The following CPNE4 variants were observed in gnomAD, a reference collection of about 807,000 sequenced individuals.
CPNE4 encodes copine-4.
A neutral mutation model predicts 67.9 loss-of-function variants in CPNE4; 25 were observed. The ratio of observed to expected loss-of-function variants is 0.37; its 90% CI spans 0.27 to 0.51. CPNE4 has a LOEUF of 0.51. Ranked by LOEUF, CPNE4 falls within the 20% of genes least tolerant of loss-of-function variation. The probability of loss-of-function intolerance (pLI) is 0.93; values close to 1 mark genes in which losing one functional copy is unlikely to be tolerated. For synonymous variants in CPNE4, 242 were observed against 244.9 expected (o/e 0.99, Z 0.11); for missense variants, 464 against 690.8 (o/e 0.67, Z 3.68).
intron 2 of CPNE4, among the ~76,000 whole-genome samples, chr3:131,861,137 T>C (rs890951394): frequency 6.6e-6 from 1 of 152,234 alleles, no homozygotes; most frequent in African/African-American, 2.4e-5. Context: ...TTGGAGTCAG[T>C]AGTGATTGTC....
chr3:131,617,080 G>A (rs996391409), intron 7 of CPNE4, among the ~76,000 whole-genome samples: 1 of 152,062 alleles, frequency 6.6e-6, no homozygotes, highest in African/African-American at 2.4e-5. Flanking sequence ...CAAGGAAGCT[G>A]GTATTCTTTG....
At chr3:131,941,890 G>T (rs2071399766) in intron 1 of CPNE4, among the ~76,000 whole-genome samples, 1 of 151,886 alleles carries the variant, frequency 6.6e-6, no homozygotes, top group South Asian at 2.1e-4. Context: ...GGTAAAATTA[G>T]GTTTTAATTA....
chr3:131,839,920 A>T (rs536886696), intron 2 of CPNE4, among the ~76,000 whole-genome samples: 1 of 152,288 alleles, frequency 6.6e-6, no homozygotes, highest in Admixed American at 6.5e-5. Flanking sequence ...ATTCTTTTGC[A>T]GTTCAATTAT....
Position 131,587,548 on chromosome 3 carries a change from T to G in CPNE4, c.716A>C (p.His239Pro). ...IVWDWDSNGK[H>P]DFIGEFTSTF... ...CGAGGTGAATTCTCCAATGAAGTCATGCTTGCCATTGGAGTCCCAGTCCCA... is the reference window on the plus strand; with the variant it reads ...CGAGGTGAATTCTCCAATGAAGTCAGGCTTGCCATTGGAGTCCCAGTCCCA... The change falls in exon 8 of 16, where the codon CAT (histidine) becomes CCT (proline). Residue 239 changes from histidine (H) to proline (P), a missense_variant. Transcript: ENST00000429747. 1 of 1,613,640 alleles carries G rather than the reference T, an allele frequency of 6.2e-7. No individual in the cohort carries two copies. The highest frequency in any genetic ancestry group is 8.5e-7 in the Non-Finnish European group (1 of 1,179,586).
At chr3:131,799,835 C>G (rs1453241545) in intron 2 of CPNE4, among the ~76,000 whole-genome samples, 1 of 151,788 alleles carries the variant, frequency 6.6e-6, no homozygotes, top group Non-Finnish European at 1.5e-5. Context: ...CATCAAAGAA[C>G]AAGTGTAATA....
Position 131,712,650 on chromosome 3 carries a change from TTGGTTATTAGACTTCAACAAACTG to T in CPNE4, c.360+10772_360+10795del, listed in dbSNP as rs2081587528. Among the ~76,000 whole-genome samples, 3 of 152,234 alleles carry T rather than the reference TTGGTTATTAGACTTCAACAAACTG, an allele frequency of 2.0e-5. No individual in the cohort carries two copies. The South Asian group carries it at 6.2e-4, about 32-fold the overall frequency. ...ATATATTATTTCGTGAATTGGCTTT[TTGGTTATTAGACTTCAACAAACTG>T]GCCGTTTGCCATACTATGAATTCAG... On this transcript the variant is annotated intron_variant, in intron 3 of 15. Transcript: ENST00000429747.
At chr3:131,878,837 A>G (rs963786481) in intron 2 of CPNE4, among the ~76,000 whole-genome samples, 2 of 152,224 alleles carry the variant, frequency 1.3e-5, no homozygotes, top group African/African-American at 4.8e-5. Flanking sequence ...AAGGAACCTC[A>G]TTCACTCATG....
chr3:131,952,149 G>C (rs1473572361), intron 1 of CPNE4, among the ~76,000 whole-genome samples: 1 of 150,344 alleles, frequency 6.7e-6, no homozygotes, highest in South Asian at 2.1e-4. Context: ...ATCACATCTA[G>C]GAAGTGAGGA....
At chr3:131,978,132 T>A (rs1236538264) in intron 1 of CPNE4, among the ~76,000 whole-genome samples, 18 of 70,582 alleles carry the variant, frequency 2.6e-4, no homozygotes, top group African/African-American at 1.5e-3. Context: ...ATATATATAT[T>A]TATATAAATA....
intron 2 of CPNE4, among the ~76,000 whole-genome samples, chr3:131,882,087 GA>G (rs371320462): frequency 1.3e-5 from 2 of 151,964 alleles, no homozygotes; most frequent in Non-Finnish European, 2.9e-5. Flanking sequence ...CGATCCTTCA[GA>G]ATTAACACTG....
rs181581869 is a variant in CPNE4 at position 131,836,015 on chromosome 3, C to T, written c.180+69249G>A. Among the ~76,000 whole-genome samples, 351 of 152,246 alleles carry T rather than the reference C, an allele frequency of 2.3e-3. 4 individuals are homozygous for T. Among genetic ancestry groups the T allele is most frequent in the Non-Finnish European group, 2.2e-3 (151 of 68,024 alleles). On this transcript the variant is annotated intron_variant, in intron 2 of 15. Transcript: ENST00000429747. ...AAGTCCTAGGCTTACCCTGAAGTGA[C>T]CTATGCAGGAAACTGACCACAATCA...
chr3:131,677,902 C>T (rs945478874), intron 6 of CPNE4, among the ~76,000 whole-genome samples: 1 of 151,974 alleles, frequency 6.6e-6, no homozygotes, highest in Non-Finnish European at 1.5e-5. Context: ...TTTGGATTGC[C>T]TTGGTTATTT....
intron 2 of CPNE4, among the ~76,000 whole-genome samples, chr3:131,733,301 C>CT (rs1274403565): frequency 6.6e-6 from 1 of 152,204 alleles, no homozygotes; most frequent in Admixed American, 6.5e-5. Flanking sequence ...GCAACAAACC[C>CT]TGAAAAGTCT....
intron 8 of CPNE4, among the ~76,000 whole-genome samples, chr3:131,582,865 C>T (rs577340339): frequency 2.0e-5 from 3 of 152,266 alleles, no homozygotes; most frequent in South Asian, 2.1e-4. Context: ...GTTGGCACCA[C>T]GTGGAGCACT....
chr3:131,806,550 A>G (rs1263221474), intron 2 of CPNE4, among the ~76,000 whole-genome samples: 1 of 90,324 alleles, frequency 1.1e-5, no homozygotes, highest in African/African-American at 5.7e-5. Context: ...ACTCCGTCTC[A>G]AAAAAAAAAA....
intron 5 of CPNE4, among the ~76,000 whole-genome samples, chr3:131,686,729 T>G (rs981022571): frequency 1.3e-5 from 2 of 152,240 alleles, no homozygotes; most frequent in African/African-American, 4.8e-5. Context: ...GAACCTCAAA[T>G]GCTGTGTTTA....
At chr3:131,699,527 T>C (rs1430734145) in intron 4 of CPNE4, among the ~76,000 whole-genome samples, 1 of 152,128 alleles carries the variant, frequency 6.6e-6, no homozygotes, top group Admixed American at 6.5e-5. Flanking sequence ...ATTCTCAAAA[T>C]AAATGAGAGA....
At chr3:131,972,123 G>GGA (rs2072519671) in intron 1 of CPNE4, among the ~76,000 whole-genome samples, 1 of 150,402 alleles carries the variant, frequency 6.6e-6, no homozygotes, top group Admixed American at 6.6e-5. Context: ...GAGAGAGAGG[G>GGA]AAAAAAAAAG....
At chr3:131,567,534 T>C (rs1937121755) in intron 10 of CPNE4, among the ~76,000 whole-genome samples, 1 of 152,086 alleles carries the variant, frequency 6.6e-6, no homozygotes, top group East Asian at 1.9e-4. Flanking sequence ...AGTGAGAGTC[T>C]CCTTAAATTT....
Sources: allele counts gnomAD v4.1 joint callset (sites outside exome capture counted in the v4.1 genomes callset), GRCh38; gene constraint gnomAD v4.1.1; transcripts MANE v1.5; gene names NCBI Gene and HGNC (gene_info 2026-07-23, HGNC 2026-07-21).